The following SLCO3A1 variants were observed in gnomAD, a reference collection of about 807,000 sequenced individuals.
SLCO3A1 encodes the protein PGE1 transporter.
Under a neutral mutation model 63.1 loss-of-function variants are expected in SLCO3A1, and 27 were observed. The observed-to-expected ratio is 0.43, with a 90% confidence interval of 0.32 to 0.59. SLCO3A1 has a LOEUF of 0.59. Among genes scored for constraint, SLCO3A1 ranks in the 20% least tolerant of loss-of-function variants. SLCO3A1 has a pLI of 0.09. For synonymous variants in SLCO3A1, 473 were observed against 409.9 expected (o/e 1.15, Z -1.86); for missense variants, 773 against 945.8 (o/e 0.82, Z 2.40).
At chr15:92,132,130 G>A (rs1200070379) in intron 7 of SLCO3A1, among the ~76,000 whole-genome samples, 3 of 145,456 alleles carry the variant, frequency 2.1e-5, no homozygotes, top group Non-Finnish European at 4.6e-5. Flanking sequence ...TGGCAAGTGG[G>A]TAGGTTGGAT....
At chr15:91,917,758 C>T (rs1465653508) in intron 2 of SLCO3A1, among the ~76,000 whole-genome samples, 3 of 152,150 alleles carry the variant, frequency 2.0e-5, no homozygotes, top group Admixed American at 6.5e-5. Flanking sequence ...ATTTTTCTTT[C>T]ATTGCCTTAA....
At chr15:91,869,111 C>T (rs931556148) in intron 1 of SLCO3A1, among the ~76,000 whole-genome samples, 1 of 152,164 alleles carries the variant, frequency 6.6e-6, no homozygotes, top group Non-Finnish European at 1.5e-5. Context: ...AATTAAGAAT[C>T]CACTGGGAGC....
At chr15:92,090,729 G>A (rs1269478291) in intron 2 of SLCO3A1, among the ~76,000 whole-genome samples, 2 of 152,174 alleles carry the variant, frequency 1.3e-5, no homozygotes, top group Non-Finnish European at 2.9e-5. Flanking sequence ...AGTGAGCTTT[G>A]GAAAGAGAAG....
At chr15:92,003,321 A>C (rs567977936) in intron 2 of SLCO3A1, among the ~76,000 whole-genome samples, 71 of 152,268 alleles carry the variant, frequency 4.7e-4, no homozygotes, top group African/African-American at 1.6e-3. Context: ...AATGACTTAC[A>C]CATGTCCTGT....
intron 1 of SLCO3A1, among the ~76,000 whole-genome samples, chr15:91,877,767 T>C (rs973884699): frequency 1.3e-5 from 2 of 151,820 alleles, no homozygotes; most frequent in Non-Finnish European, 1.5e-5. Context: ...CAAAAAGGGG[T>C]GTGGTCTATA....
chr15:91,880,154 CATCCATCCATCCATCCATCT>C (rs1897527672), intron 1 of SLCO3A1, among the ~76,000 whole-genome samples: 1 of 134,634 alleles, frequency 7.4e-6, no homozygotes, highest in African/African-American at 3.3e-5. Flanking sequence ...TCCATCCATC[CATCCATCCATCCATCCATCT>C]ATCTATCTAT....
At chr15:91,926,515 G>A (rs1213672902) in intron 2 of SLCO3A1, among the ~76,000 whole-genome samples, 4 of 150,830 alleles carry the variant, frequency 2.7e-5, no homozygotes, top group Non-Finnish European at 4.4e-5. Context: ...AAATGAGTAT[G>A]TTCCATTCCC....
chr15:91,907,269 C>T (rs770487341), intron 1 of SLCO3A1, among the ~76,000 whole-genome samples: 14 of 150,264 alleles, frequency 9.3e-5, no homozygotes, highest in Non-Finnish European at 1.5e-4. Flanking sequence ...TGCACTGGTG[C>T]GATCTCAGCT....
At chr15:92,166,005 T>C, downstream of SLCO3A1, 1 of 522,196 alleles carries the variant, frequency 1.9e-6, no homozygotes, top group South Asian at 8.3e-5. Context: ...GACAGATCTT[T>C]GTAACTCCTA....
At chr15:92,047,570 A>AAATATATAT (rs2046899383) in intron 2 of SLCO3A1, among the ~76,000 whole-genome samples, 5 of 7,896 alleles carry the variant, frequency 6.3e-4, no homozygotes, top group East Asian at 4.0e-3. Flanking sequence ...ATATATATAT[A>AAATATATAT]AATATATATA....
chr15:91,989,031 T>G (rs1489242774), intron 2 of SLCO3A1, among the ~76,000 whole-genome samples: 1 of 152,162 alleles, frequency 6.6e-6, no homozygotes, highest in African/African-American at 2.4e-5. Flanking sequence ...AAAATTAGGC[T>G]CTCCGTAACC....
At chr15:92,052,203 T>C (rs1178118807) in intron 2 of SLCO3A1, among the ~76,000 whole-genome samples, 2 of 152,130 alleles carry the variant, frequency 1.3e-5, no homozygotes, top group Non-Finnish European at 2.9e-5. Flanking sequence ...AGACAGCCTG[T>C]ACTCAGCTGG....
intron 1 of SLCO3A1, among the ~76,000 whole-genome samples, chr15:91,899,666 G>A (rs1211572806): frequency 6.6e-6 from 1 of 152,100 alleles, no homozygotes; most frequent in Non-Finnish European, 1.5e-5. Context: ...ACAAGTCAAT[G>A]ATTTTTAACA....
chr15:92,018,903 G>A lies in SLCO3A1; in HGVS notation c.647-75978G>A, dbSNP rs140404580. 1.3e-3 allele frequency among the ~76,000 whole-genome samples: 196 copies of A among 152,294 alleles called. 1 individual carries two copies. Among genetic ancestry groups the A allele is most frequent in the Non-Finnish European group, 1.7e-3 (117 of 68,018 alleles). On this transcript the variant is annotated intron_variant, in intron 2 of 9. Coordinates refer to ENST00000318445, the MANE Select transcript of SLCO3A1 (RefSeq NM_013272.4). ...TAATGTGACTGCAGCATCTGATGCC[G>A]CTACCATCACTCCCCTGGTGCTGGG...
intron 2 of SLCO3A1, among the ~76,000 whole-genome samples, chr15:91,930,810 A>T (rs1899199025): frequency 6.6e-6 from 1 of 151,524 alleles, no homozygotes; most frequent in South Asian, 2.1e-4. Flanking sequence ...ACAACCCCTG[A>T]GTTAGTTTTT....
intron 2 of SLCO3A1, among the ~76,000 whole-genome samples, chr15:92,080,660 C>T (rs918231197): frequency 2.6e-5 from 4 of 152,152 alleles, no homozygotes; most frequent in African/African-American, 9.7e-5. Flanking sequence ...TACTCGGTGC[C>T]CCAGAGGCCA....
chr15:92,079,056 G>A (rs570124770), intron 2 of SLCO3A1, among the ~76,000 whole-genome samples: 222 of 152,334 alleles, frequency 1.5e-3, no homozygotes, highest in Non-Finnish European at 2.2e-3. Flanking sequence ...GGGGTCCAGC[G>A]ATAATGAGTA....
intron 4 of SLCO3A1, among the ~76,000 whole-genome samples, chr15:92,105,040 G>A (rs777958601): frequency 2.0e-5 from 3 of 151,630 alleles, no homozygotes; most frequent in Non-Finnish European, 4.4e-5. Context: ...GCCAAGGCAG[G>A]TGGATCACTT....
At chr15:92,012,742 T>TAAAAAAAAAA (rs33945478) in intron 2 of SLCO3A1, among the ~76,000 whole-genome samples, 1 of 126,694 alleles carries the variant, frequency 7.9e-6, no homozygotes, top group Non-Finnish European at 1.6e-5. Flanking sequence ...GTCTCTAATT[T>TAAAAAAAAAA]AAAAAAAAAA....
Sources: gnomAD v4.1 joint callset for allele counts (sites outside exome capture counted in the v4.1 genomes callset) on GRCh38, gnomAD v4.1.1 for gene constraint, MANE v1.5 for transcripts, NCBI Gene and HGNC (gene_info 2026-07-23, HGNC 2026-07-21) for gene names.